Variants in COL25A1 observed in about 807,000 individuals in gnomAD.
COL25A1 encodes the protein collagen type XXV alpha 1 chain, also known as collagen alpha-1(XXV) chain.
A neutral mutation model predicts 128.4 loss-of-function variants in COL25A1; 103 were observed. That is an observed-to-expected ratio of 0.80 (90% confidence interval 0.68 to 0.94). The LOEUF (loss-of-function observed/expected upper bound fraction) is 0.94, where lower values mean the gene tolerates loss of function less well. COL25A1 is among the 40% of genes least tolerant of loss of function. The pLI is 0.00. For missense variants in COL25A1, 745 were observed against 840.0 expected (o/e 0.89, Z 1.40); for synonymous variants, 279 against 277.2 (o/e 1.01, Z -0.06).
chr4:109,108,646 T>G (rs920892329), intron 3 of COL25A1, among the ~76,000 whole-genome samples: 16 of 152,106 alleles, frequency 1.1e-4, no homozygotes, highest in Non-Finnish European at 2.2e-4. Flanking sequence ...CCAAAAATCA[T>G]TAGCTTTAAT....
At chr4:108,966,977 GAA>G (rs1202305377) in intron 8 of COL25A1, among the ~76,000 whole-genome samples, 1 of 151,930 alleles carries the variant, frequency 6.6e-6, no homozygotes, top group Admixed American at 6.6e-5. Context: ...GAAAAAGAAA[GAA>G]AAGTTTTATT....
intron 8 of COL25A1, chr4:108,942,268 C>T (rs772516287): frequency 6.5e-7 from 1 of 1,550,120 alleles, no homozygotes; most frequent in South Asian, 1.2e-5. Flanking sequence ...CCTGGCAGGC[C>T]CTATGGACAT....
intron 3 of COL25A1, among the ~76,000 whole-genome samples, chr4:109,258,884 A>T (rs950117344): frequency 6.6e-6 from 1 of 152,168 alleles, no homozygotes; most frequent in Non-Finnish European, 1.5e-5. Context: ...TTCCAGCCCA[A>T]TTACTACCCC....
intron 3 of COL25A1, among the ~76,000 whole-genome samples, chr4:109,054,117 ACTTT>A (rs1381524367): frequency 9.2e-5 from 14 of 152,188 alleles, no homozygotes; most frequent in African/African-American, 3.4e-4. Context: ...TCCCACTTTT[ACTTT>A]CTTTATATTT....
At chr4:109,236,469 C>T (rs1779486388) in intron 3 of COL25A1, among the ~76,000 whole-genome samples, 1 of 151,972 alleles carries the variant, frequency 6.6e-6, no homozygotes. Flanking sequence ...ACGCCTATAG[C>T]TCATTCTTAA....
chr4:109,023,188 C>T (rs1275268387), intron 5 of COL25A1, among the ~76,000 whole-genome samples: 2 of 152,204 alleles, frequency 1.3e-5, no homozygotes, highest in Non-Finnish European at 2.9e-5. Flanking sequence ...TGTTGTGAAT[C>T]TGCTGCTGAA....
At chr4:109,290,954 G>T (rs1293262402) in intron 3 of COL25A1, among the ~76,000 whole-genome samples, 3 of 151,946 alleles carry the variant, frequency 2.0e-5, no homozygotes, top group Non-Finnish European at 4.4e-5. Context: ...TAGTCTTTTT[G>T]CAGAAGACAA....
chr4:109,110,736 C>T (rs1231290658), intron 3 of COL25A1, among the ~76,000 whole-genome samples: 1 of 152,112 alleles, frequency 6.6e-6, no homozygotes, highest in Admixed American at 6.6e-5. Context: ...CAATTGTCTA[C>T]CCAGAAATTG....
chr4:109,263,175 C>A (rs943614943), intron 3 of COL25A1, among the ~76,000 whole-genome samples: 1 of 151,980 alleles, frequency 6.6e-6, no homozygotes, highest in South Asian at 2.1e-4. Flanking sequence ...AAAATAAGAG[C>A]AATATTTTAA....
At chr4:109,153,896 TG>T (rs376596087) in intron 3 of COL25A1, among the ~76,000 whole-genome samples, 7 of 152,184 alleles carry the variant, frequency 4.6e-5, no homozygotes, top group African/African-American at 1.7e-4. Flanking sequence ...ATGAGGAAGC[TG>T]AAGCTCCAGG....
chr4:109,167,052 T>C (rs1773140552), intron 3 of COL25A1, among the ~76,000 whole-genome samples: 1 of 152,194 alleles, frequency 6.6e-6, no homozygotes, highest in Non-Finnish European at 1.5e-5. Flanking sequence ...ATGAGGTCTT[T>C]GTTTAACAAA....
At chr4:108,947,203 G>A (rs1297014583) in intron 8 of COL25A1, among the ~76,000 whole-genome samples, 1 of 152,106 alleles carries the variant, frequency 6.6e-6, no homozygotes, top group Non-Finnish European at 1.5e-5. Flanking sequence ...CAGCACTTTG[G>A]GAGGCTGAGG....
At chr4:109,056,166 C>T (rs1037192670) in intron 3 of COL25A1, among the ~76,000 whole-genome samples, 2 of 152,046 alleles carry the variant, frequency 1.3e-5, no homozygotes, top group African/African-American at 4.8e-5. Flanking sequence ...TTGGAAAAGT[C>T]TTTCTCCCTT....
intron 3 of COL25A1, among the ~76,000 whole-genome samples, chr4:109,129,133 A>ATT (rs113681869): frequency 4.1e-5 from 6 of 146,174 alleles, no homozygotes; most frequent in African/African-American, 1.5e-4. Context: ...TTGTCAAATA[A>ATT]TTTTTTTTTT....
chr4:108,868,772 A>C (rs1738279969), intron 20 of COL25A1, among the ~76,000 whole-genome samples: 2 of 146,890 alleles, frequency 1.4e-5, no homozygotes, highest in Admixed American at 1.3e-4. Flanking sequence ...AAGGAAGGGA[A>C]GGGAAGGAAG....
At chr4:109,006,432 G>GTTTTTTTTTTTTT (rs1553997592) in intron 6 of COL25A1, among the ~76,000 whole-genome samples, 1 of 111,322 alleles carries the variant, frequency 9.0e-6, no homozygotes, top group South Asian at 2.8e-4. Context: ...GAGAGACAGG[G>GTTTTTTTTTTTTT]TTTTACCATT....
intron 3 of COL25A1, among the ~76,000 whole-genome samples, chr4:109,110,874 T>A (rs1441820432): frequency 1.3e-5 from 2 of 152,224 alleles, no homozygotes; most frequent in African/African-American, 4.8e-5. Context: ...GCTCTTCATC[T>A]ATTTTCGTCT....
At chr4:109,293,730 C>T (rs1724693737) in intron 3 of COL25A1, among the ~76,000 whole-genome samples, 2 of 152,008 alleles carry the variant, frequency 1.3e-5, no homozygotes, top group African/African-American at 4.8e-5. Context: ...ATGAATTTAG[C>T]AACAAGACTA....
intron 3 of COL25A1, among the ~76,000 whole-genome samples, chr4:109,268,487 A>T (rs1781945605): frequency 6.6e-6 from 1 of 152,126 alleles, no homozygotes; most frequent in Admixed American, 6.6e-5. Flanking sequence ...TGGGTAGATG[A>T]GCAGTTTGGC....
Sources: allele counts gnomAD v4.1 joint callset (sites outside exome capture counted in the v4.1 genomes callset), GRCh38; gene constraint gnomAD v4.1.1; transcripts MANE v1.5; gene names NCBI Gene and HGNC (gene_info 2026-07-23, HGNC 2026-07-21).